Variants in MAP3K5 observed in about 807,000 individuals in gnomAD.
MAP3K5 encodes the protein ASK-1.
A neutral mutation model predicts 158.7 loss-of-function variants in MAP3K5; 56 were observed. That is an observed-to-expected ratio of 0.35 (90% CI 0.28 to 0.44). The LOEUF (loss-of-function observed/expected upper bound fraction) is 0.44. Among genes scored for constraint, MAP3K5 ranks in the 20% least tolerant of loss-of-function variants. The probability of loss-of-function intolerance (pLI) is 1.00; values close to 1 mark genes in which losing one functional copy is unlikely to be tolerated. For missense variants in MAP3K5, 1,294 were observed against 1,674.8 expected, an observed-to-expected ratio of 0.77 and a Z score of 3.97; for synonymous variants, 579 against 601.7, an observed-to-expected ratio of 0.96 and a Z score of 0.55.
chr6:136,688,410 T>C (rs1010132280), intron 7 of MAP3K5, among the ~76,000 whole-genome samples: 5 of 152,132 alleles, frequency 3.3e-5, no homozygotes, highest in African/African-American at 1.2e-4. Flanking sequence ...TCCCAGAACT[T>C]AAAGTATAAT....
intron 14 of MAP3K5, among the ~76,000 whole-genome samples, chr6:136,634,748 G>C (rs533959612): frequency 6.6e-6 from 1 of 151,708 alleles, no homozygotes. Flanking sequence ...CTCAGCTAAA[G>C]TAGAGACAGG....
intron 1 of MAP3K5, among the ~76,000 whole-genome samples, chr6:136,769,614 G>C (rs1784093965): frequency 6.7e-6 from 1 of 149,666 alleles, no homozygotes; most frequent in South Asian, 2.1e-4. Context: ...AGAGGGAAGA[G>C]GGAAGCCCAC....
intron 25 of MAP3K5, among the ~76,000 whole-genome samples, chr6:136,576,821 A>C (rs1381151596): frequency 6.6e-6 from 1 of 152,190 alleles, no homozygotes; most frequent in Non-Finnish European, 1.5e-5. Context: ...TAAGATTGTA[A>C]TACTATATTT....
At chr6:136,728,006 A>G (rs1426858561) in intron 1 of MAP3K5, among the ~76,000 whole-genome samples, 1 of 152,162 alleles carries the variant, frequency 6.6e-6, no homozygotes, top group Non-Finnish European at 1.5e-5. Flanking sequence ...AGTCATTTAA[A>G]AGTATAGACA....
chr6:136,568,877 A>C (rs1021892991), intron 25 of MAP3K5, among the ~76,000 whole-genome samples: 8 of 151,760 alleles, frequency 5.3e-5, no homozygotes, highest in Admixed American at 2.6e-4. Flanking sequence ...AAAAAAAAAA[A>C]AAAACTTGGA....
chr6:136,688,992 A>G (rs929385613), intron 7 of MAP3K5, among the ~76,000 whole-genome samples: 1 of 152,090 alleles, frequency 6.6e-6, no homozygotes, highest in African/African-American at 2.4e-5. Flanking sequence ...CTTTTGTAAT[A>G]GCAGAAAAAA....
At chr6:136,589,342 G>A (rs2129079673) in intron 23 of MAP3K5, among the ~76,000 whole-genome samples, 1 of 152,294 alleles carries the variant, frequency 6.6e-6, no homozygotes, top group African/African-American at 2.4e-5. Context: ...AGGGAGGCAG[G>A]TAGATGAGTT....
At chr6:136,764,829 G>A (rs1783894214) in intron 1 of MAP3K5, among the ~76,000 whole-genome samples, 1 of 152,148 alleles carries the variant, frequency 6.6e-6, no homozygotes, top group African/African-American at 2.4e-5. Flanking sequence ...GAGAGATTAT[G>A]TAAGAGGCAG....
chr6:136,752,444 C>T (rs898524198), intron 1 of MAP3K5, among the ~76,000 whole-genome samples: 2 of 152,170 alleles, frequency 1.3e-5, no homozygotes, highest in African/African-American at 4.8e-5. Context: ...TGGAGTCTCG[C>T]TCTGTCTTCC....
intron 11 of MAP3K5, among the ~76,000 whole-genome samples, chr6:136,648,851 G>T (rs979246119): frequency 1.3e-5 from 2 of 152,216 alleles, no homozygotes; most frequent in Non-Finnish European, 2.9e-5. Context: ...TGGACATGCT[G>T]TGTTGTTTTC....
At chr6:136,656,592 C>G in intron 9 of MAP3K5, 132 bp from the exon 10 acceptor site, 1 of 558,698 alleles carries the variant, frequency 1.8e-6, no homozygotes, top group South Asian at 2.8e-5. Context: ...CACCGTTATT[C>G]GTTATTTGTT....
chr6:136,568,012 A>T (rs754394655), intron 25 of MAP3K5, 138 bp from the exon 26 acceptor site: 49 of 880,082 alleles, frequency 5.6e-5, no homozygotes, highest in Non-Finnish European at 7.6e-5. Context: ...GTGAGGATGG[A>T]TTTCTGTAGA....
At chr6:136,622,515 C>G (rs1307991203) in intron 15 of MAP3K5, among the ~76,000 whole-genome samples, 1 of 152,216 alleles carries the variant, frequency 6.6e-6, no homozygotes, top group Non-Finnish European at 1.5e-5. Flanking sequence ...CCTCACATGC[C>G]CGACTGGAAC....
rs79322831 is a variant in MAP3K5, at chr6:136,662,679, A to T, written c.1367-3301T>A. Among the ~76,000 whole-genome samples the T allele has an allele frequency of 2.0e-3, 302 of 152,270 alleles. 7 individuals carry two copies. The East Asian group carries it at 0.047, about 24-fold the overall frequency. On this transcript the variant is annotated intron_variant, in intron 8 of 29. Coordinates refer to ENST00000359015, the MANE Select transcript of MAP3K5 (RefSeq NM_005923.4). Reference sequence around the variant, plus strand: ...TTTTTCCATAGGATAGAATTTCAGGAGTACTGTTATACTTGGTTCCAGACT... The same window carrying T: ...TTTTTCCATAGGATAGAATTTCAGGTGTACTGTTATACTTGGTTCCAGACT...
intron 3 of MAP3K5, 104 bp downstream of exon 3, chr6:136,705,006 A>C: frequency 1.7e-6 from 1 of 577,648 alleles, no homozygotes; most frequent in Non-Finnish European, 3.0e-6. Flanking sequence ...GAGGAAAAAT[A>C]GAGATATAAA....
At chr6:136,769,732 G>GAGGA (rs1784099247) in intron 1 of MAP3K5, among the ~76,000 whole-genome samples, 1 of 123,232 alleles carries the variant, frequency 8.1e-6, no homozygotes, top group African/African-American at 3.2e-5. Flanking sequence ...TGAAGGAAGG[G>GAGGA]AGGAAGGGAA....
intron 1 of MAP3K5, among the ~76,000 whole-genome samples, chr6:136,742,197 A>C (rs1179882551): frequency 6.6e-6 from 1 of 152,200 alleles, no homozygotes; most frequent in African/African-American, 2.4e-5. Context: ...CACAATATTG[A>C]AGAAGAACAA....
At chr6:136,601,201 G>T (rs1775860142) in intron 20 of MAP3K5, among the ~76,000 whole-genome samples, 159 bp from the exon 21 acceptor site, 1 of 149,210 alleles carries the variant, frequency 6.7e-6, no homozygotes, top group African/African-American at 2.5e-5. Flanking sequence ...AAAACGCCAA[G>T]AACAATTGGA....
chr6:136,725,419 C>T (rs776973191), intron 1 of MAP3K5, among the ~76,000 whole-genome samples: 3 of 152,120 alleles, frequency 2.0e-5, no homozygotes, highest in African/African-American at 4.8e-5. Flanking sequence ...AGTGGTACTT[C>T]GTTATGGTTT....
Sources: allele counts gnomAD v4.1 joint callset (sites outside exome capture counted in the v4.1 genomes callset), GRCh38; gene constraint gnomAD v4.1.1; transcripts MANE v1.5; gene names NCBI Gene and HGNC (gene_info 2026-07-23, HGNC 2026-07-21).